KCNN3: variants seen among roughly 807,000 people sequenced by gnomAD.
KCNN3 encodes small conductance calcium-activated potassium channel protein 3.
KCNN3 carries 16 observed loss-of-function variants against 62.9 expected under a neutral mutation model. That is an observed-to-expected ratio of 0.25 (90% confidence interval 0.17 to 0.39). KCNN3 has a LOEUF of 0.39. Among genes scored for constraint, KCNN3 ranks in the 10% least tolerant of loss-of-function variants. The probability of loss-of-function intolerance (pLI) is 1.00; values close to 1 mark genes in which losing one functional copy is unlikely to be tolerated. For synonymous variants in KCNN3, 370 were observed against 389.2 expected, an observed-to-expected ratio of 0.95 and a Z score of 0.58; for missense variants, 599 against 949.4, an observed-to-expected ratio of 0.63 and a Z score of 4.85.
intron 3 of KCNN3, among the ~76,000 whole-genome samples, chr1:154,750,203 T>C (rs916510471): frequency 6.6e-6 from 1 of 152,196 alleles, no homozygotes; most frequent in East Asian, 1.9e-4. Flanking sequence ...AGAAGGGCCT[T>C]TCTTGCTGGA....
At chr1:154,732,082 A>C (rs1385040734) in intron 4 of KCNN3, among the ~76,000 whole-genome samples, 2 of 152,218 alleles carry the variant, frequency 1.3e-5, no homozygotes, top group East Asian at 3.8e-4. Flanking sequence ...TTTTCAAAGC[A>C]CTTTAACATA....
At chr1:154,781,634 G>T (rs1160387178) in intron 2 of KCNN3, among the ~76,000 whole-genome samples, 1 of 152,206 alleles carries the variant, frequency 6.6e-6, no homozygotes, top group Non-Finnish European at 1.5e-5. Context: ...CTAGTTGTAA[G>T]GAGAGACAAG....
rs1479979142 is a variant in KCNN3 at position 154,802,589 on chromosome 1, G to GATGCC, written c.1029+19499_1029+19500insGGCAT. On this transcript the variant is annotated intron_variant, in intron 2 of 7. Transcript: ENST00000271915. ...AAGAAATCACCAGTGGTGAACAGAG[G>GATGCC]ATGACCTACTCAGTCATGGTTTAGG... 4.6e-5 allele frequency among the ~76,000 whole-genome samples: 7 copies of GATGCC among 152,222 alleles called. No homozygotes were observed. The East Asian group carries it at 1.3e-3, about 29-fold the overall frequency.
intron 1 of KCNN3, among the ~76,000 whole-genome samples, chr1:154,853,892 C>T (rs948387468): frequency 4.0e-5 from 6 of 151,754 alleles, no homozygotes; most frequent in African/African-American, 7.3e-5. Flanking sequence ...TGCAGTGAGC[C>T]GAGATCACGC....
At position 154,795,665 on chromosome 1, in the gene KCNN3, T is replaced by C. The variant is rs143886353; in HGVS notation, c.1030-23272A>G. On this transcript the variant is annotated intron_variant, in intron 2 of 7. Transcript: ENST00000271915. Reference sequence around the variant, plus strand: ...CATATAAGAGGTGCAGCAAGAGACGTCTGTATGCATGAGGCTCCGTGGGGG... The same window carrying C: ...CATATAAGAGGTGCAGCAAGAGACGCCTGTATGCATGAGGCTCCGTGGGGG... Among the ~76,000 whole-genome samples the C allele has an allele frequency of 3.9e-5, 6 of 152,174 alleles. No homozygotes were observed. The East Asian group carries it at 1.2e-3, about 29-fold the overall frequency.
chr1:154,731,156 C>T (rs1264487238), intron 4 of KCNN3, among the ~76,000 whole-genome samples: 3 of 152,230 alleles, frequency 2.0e-5, no homozygotes, highest in Non-Finnish European at 4.4e-5. Flanking sequence ...TTCTGAGGCA[C>T]AAAGCCCCAG....
chr1:154,817,200 G>T (rs1177982090), intron 2 of KCNN3, among the ~76,000 whole-genome samples: 7 of 152,200 alleles, frequency 4.6e-5, no homozygotes, highest in Non-Finnish European at 2.9e-5. Flanking sequence ...GAAGAAAGGG[G>T]CTGACATATC....
chr1:154,837,271 T>TTTG (rs1558000439), intron 1 of KCNN3, among the ~76,000 whole-genome samples: 5 of 152,094 alleles, frequency 3.3e-5, no homozygotes, highest in African/African-American at 1.2e-4. Context: ...CCGGCTAGTT[T>TTTG]TTTGTTTGTT....
rs1699851685 is a variant in KCNN3, at chr1:154,701,494, A to T, written c.*6482T>A. 6.6e-6 allele frequency: 1 copy of T among 152,198 alleles called. No individual in the cohort carries two copies. The highest frequency in any genetic ancestry group is 1.5e-5 in the Non-Finnish European group (1 of 68,030). 9.4% of individuals were successfully genotyped at this position (152,198 alleles called of 1,614,324 possible). On this transcript the variant is annotated 3_prime_UTR_variant, in exon 8 of 8. Coordinates refer to ENST00000271915, the MANE Select transcript of KCNN3 (RefSeq NM_002249.6). ...GAAGGAGGGAACTGAGAACTTCTACATGTATGTCTCAGCTGCTCTGTAGAG... is the reference window on the plus strand; with the variant it reads ...GAAGGAGGGAACTGAGAACTTCTACTTGTATGTCTCAGCTGCTCTGTAGAG...
intron 5 of KCNN3, among the ~76,000 whole-genome samples, chr1:154,720,101 C>T (rs1274816569): frequency 6.6e-6 from 1 of 152,168 alleles, no homozygotes; most frequent in Non-Finnish European, 1.5e-5. Flanking sequence ...GGACCCTAAC[C>T]CCATGCTGAG....
At chr1:154,797,755 G>T (rs1649791959) in intron 2 of KCNN3, among the ~76,000 whole-genome samples, 1 of 152,234 alleles carries the variant, frequency 6.6e-6, no homozygotes, top group African/African-American at 2.4e-5. Flanking sequence ...TATAGCAGAT[G>T]CTGGAGGAAT....
intron 1 of KCNN3, chr1:154,867,855 G>T: frequency 1.5e-6 from 1 of 661,420 alleles, no homozygotes; most frequent in Non-Finnish European, 1.9e-6. Context: ...TGGGGGTATC[G>T]TGGAGCCACT....
intron 2 of KCNN3, among the ~76,000 whole-genome samples, chr1:154,785,572 C>CTTTTT (rs59033291): frequency 3.9e-4 from 42 of 107,932 alleles, no homozygotes; most frequent in African/African-American, 6.5e-4. Flanking sequence ...TTTTCTTTTT[C>CTTTTT]TTTTTTTTTT....
chr1:154,719,263 G>A (rs76539744), intron 5 of KCNN3, among the ~76,000 whole-genome samples: 1 of 152,170 alleles, frequency 6.6e-6, no homozygotes, highest in African/African-American at 2.4e-5. Context: ...ATTCTACTTG[G>A]AGGTTGGAGA....
At chr1:154,752,788 A>G (rs4845667) in intron 3 of KCNN3, among the ~76,000 whole-genome samples, 133,652 of 152,166 alleles carry the variant, frequency 0.88, 58,825 homozygotes, top group East Asian at 1. Flanking sequence ...TGGGGGAGTT[A>G]CCCCACTGCT....
chr1:154,846,033 C>G (rs1218562), intron 1 of KCNN3, among the ~76,000 whole-genome samples: 140,489 of 152,160 alleles, frequency 0.92, 65,223 homozygotes, highest in East Asian at 1. Flanking sequence ...CGGTCCAAAA[C>G]AGTGGGGTGG....
At chr1:154,839,655 C>T (rs933761573) in intron 1 of KCNN3, among the ~76,000 whole-genome samples, 5 of 152,210 alleles carry the variant, frequency 3.3e-5, no homozygotes, top group Admixed American at 3.3e-4. Context: ...CCCCGCTCAG[C>T]TCTCACTCGA....
At chr1:154,729,734 A>G (rs1320054234) in intron 4 of KCNN3, among the ~76,000 whole-genome samples, 3 of 152,222 alleles carry the variant, frequency 2.0e-5, no homozygotes, top group African/African-American at 4.8e-5. Flanking sequence ...TTTGAAACCA[A>G]GGTGTTTCGG....
chr1:154,727,702 A>T (rs1015370697), intron 4 of KCNN3, among the ~76,000 whole-genome samples: 4 of 151,760 alleles, frequency 2.6e-5, no homozygotes. Context: ...CTTACAGGAG[A>T]CTCTGTGCCC....
Sources: gnomAD v4.1 joint callset for allele counts (sites outside exome capture counted in the v4.1 genomes callset) on GRCh38, gnomAD v4.1.1 for gene constraint, MANE v1.5 for transcripts, NCBI Gene and HGNC (gene_info 2026-07-23, HGNC 2026-07-21) for gene names.